The following SLC26A4 variants were observed in gnomAD, a reference collection of about 807,000 sequenced individuals.
SLC26A4 encodes the protein pendrin.
A neutral mutation model predicts 90.4 loss-of-function variants in SLC26A4; 93 were observed. The observed-to-expected ratio is 1.03, with a 90% CI of 0.87 to 1.22. The LOEUF (loss-of-function observed/expected upper bound fraction) is 1.22, where lower values mean the gene tolerates loss of function less well. Among genes scored for constraint, SLC26A4 ranks in the 50% most tolerant of loss-of-function variants. The probability of loss-of-function intolerance (pLI) is 0.00; values close to 1 mark genes in which losing one functional copy is unlikely to be tolerated. For missense variants in SLC26A4, 1,127 were observed against 946.2 expected (o/e 1.19, Z -2.51); for synonymous variants, 393 against 354.6 (o/e 1.11, Z -1.22).
chr7:107,685,677 C>T (rs977162671), intron 8 of SLC26A4, among the ~76,000 whole-genome samples: 2 of 152,200 alleles, frequency 1.3e-5, no homozygotes, highest in African/African-American at 2.4e-5. Context: ...AACACCTAAG[C>T]GCCCCACTAG....
intron 2 of SLC26A4, chr7:107,662,007 G>A (rs975843176): frequency 6.5e-6 from 4 of 616,272 alleles, no homozygotes; most frequent in Non-Finnish European, 1.1e-5. Context: ...TCAGTCTCGG[G>A]CCCGAAATGA....
At chr7:107,668,883 T>A (rs1790787953) in intron 3 of SLC26A4, among the ~76,000 whole-genome samples, 1 of 152,232 alleles carries the variant, frequency 6.6e-6, no homozygotes, top group South Asian at 2.1e-4. Context: ...AGCACCTGCT[T>A]TGCCAGTATT....
chr7:107,675,915 A>G (rs1791013588), intron 6 of SLC26A4, among the ~76,000 whole-genome samples: 1 of 152,254 alleles, frequency 6.6e-6, no homozygotes, highest in East Asian at 1.9e-4. Flanking sequence ...GGAGCCATTG[A>G]AAACATTTGG....
In SLC26A4 at chr7:107,661,932, TC is replaced by T; in HGVS notation, c.164+130del. Reference sequence around the variant, plus strand: ...GGAGCCCCTGGGCGCCAGCTGCTTCTCCCAGAGGCCCGACTTTCGGTCTCCG... The same window carrying T: ...GGAGCCCCTGGGCGCCAGCTGCTTCTCCAGAGGCCCGACTTTCGGTCTCCG... On this transcript the variant is annotated intron_variant, in intron 2 of 20. Coordinates refer to ENST00000644269, the MANE Select transcript of SLC26A4 (RefSeq NM_000441.2). The surrounding 1 kb of genome is among the most constrained non-coding windows in gnomAD (Gnocchi z 5.1). 1 of 1,078,754 alleles carries T rather than the reference TC, an allele frequency of 9.3e-7. No individual in the cohort carries two copies. The highest frequency in any genetic ancestry group is 1.3e-6 in the Non-Finnish European group (1 of 771,390). 66.8% of individuals were successfully genotyped at this position (1,078,754 alleles called of 1,614,324 possible). A position where few individuals can be genotyped will look rare whatever the true frequency, so the allele number is the denominator to read the frequency against.
intron 6 of SLC26A4, among the ~76,000 whole-genome samples, chr7:107,677,184 C>A (rs1791046093): frequency 6.6e-6 from 1 of 151,962 alleles, no homozygotes; most frequent in South Asian, 2.1e-4. Context: ...TCTCAAACAA[C>A]AATAACAGCA....
At chr7:107,691,759 A>G (rs563812847) in intron 10 of SLC26A4, 4 of 1,029,142 alleles carry the variant, frequency 3.9e-6, no homozygotes, top group South Asian at 5.8e-5. Context: ...TTATTTTCAG[A>G]ATTTTTCTTA....
chr7:107,686,389 C>CTCTCTTTTTT (rs1791410379), intron 8 of SLC26A4, among the ~76,000 whole-genome samples: 2 of 141,186 alleles, frequency 1.4e-5, no homozygotes. Context: ...TTCCTTCCTT[C>CTCTCTTTTTT]CTTCCTCTCT....
intron 6 of SLC26A4, among the ~76,000 whole-genome samples, chr7:107,675,883 A>T (rs910315659): frequency 6.6e-6 from 1 of 152,144 alleles, no homozygotes; most frequent in African/African-American, 2.4e-5. Context: ...GGGAGCACCC[A>T]CATTTCTCTA....
chr7:107,682,361 T>G (rs946239391), intron 6 of SLC26A4, among the ~76,000 whole-genome samples: 1 of 151,848 alleles, frequency 6.6e-6, no homozygotes, highest in Non-Finnish European at 1.5e-5. Context: ...AACTACAGAT[T>G]CAATTCAGCT....
intron 11 of SLC26A4, 58 bp downstream of exon 11, chr7:107,694,538 C>G (rs1791682727): frequency 6.6e-7 from 1 of 1,521,804 alleles, no homozygotes; most frequent in South Asian, 1.1e-5. Context: ...ACTCTGCTAC[C>G]AGATAAATAA....
chr7:107,666,972 C>G (rs768238541), intron 3 of SLC26A4, among the ~76,000 whole-genome samples: 1 of 152,124 alleles, frequency 6.6e-6, no homozygotes, highest in Non-Finnish European at 1.5e-5. Flanking sequence ...TATTGTGCAG[C>G]AAGAATCACT....
At chr7:107,678,898 C>T (rs996733102) in intron 6 of SLC26A4, among the ~76,000 whole-genome samples, 1 of 152,144 alleles carries the variant, frequency 6.6e-6, no homozygotes, top group African/African-American at 2.4e-5. Flanking sequence ...CCAGAAAAGA[C>T]TGTAAGATTG....
At chr7:107,709,664 C>T (rs1400877141) in intron 18 of SLC26A4, among the ~76,000 whole-genome samples, 1 of 152,002 alleles carries the variant, frequency 6.6e-6, no homozygotes, top group East Asian at 1.9e-4. Context: ...CTGGCTTGGC[C>T]AAAGGGACGT....
At chr7:107,701,277 A>G (rs1562839196) in intron 16 of SLC26A4, 81 bp downstream of exon 16, 2 of 863,926 alleles carry the variant, frequency 2.3e-6, no homozygotes, top group South Asian at 2.7e-5. Flanking sequence ...AATTAAATCT[A>G]TCCTCTTTAG....
intron 6 of SLC26A4, among the ~76,000 whole-genome samples, chr7:107,676,544 A>G (rs1791028747): frequency 6.6e-6 from 1 of 152,274 alleles, no homozygotes. Flanking sequence ...TGTGTTCTAC[A>G]TAAAGCATGT....
intron 8 of SLC26A4, among the ~76,000 whole-genome samples, chr7:107,687,253 T>C (rs1031953949): frequency 3.3e-5 from 5 of 152,012 alleles, no homozygotes; most frequent in Admixed American, 2.6e-4. Flanking sequence ...AGCAAAAAAT[T>C]TGGAGAGTTA....
intron 10 of SLC26A4, chr7:107,693,541 CTTT>C (rs1327997552): frequency 1.1e-4 from 112 of 984,986 alleles, no homozygotes; most frequent in Non-Finnish European, 1.3e-4. Context: ...TCCTTTTCTT[CTTT>C]GTTTCAGAGC....
chr7:107,682,677 CAT>C (rs1296845755), intron 6 of SLC26A4, among the ~76,000 whole-genome samples: 1 of 151,912 alleles, frequency 6.6e-6, no homozygotes, highest in African/African-American at 2.4e-5. Flanking sequence ...CACACACACA[CAT>C]ACACACATAT....
rs1438508849 is a variant in SLC26A4 at position 107,698,096 on chromosome 7, C to T, written c.1599C>T (p.Thr533=). 1 of 1,605,984 alleles carries T rather than the reference C, an allele frequency of 6.2e-7. No individual in the cohort carries two copies. The highest frequency in any genetic ancestry group is 1.1e-5 in the South Asian group (1 of 90,934). ...CTAGCACAGATATCTACAAAAGTAC[C>T]AAGAATTACAAAAACGTAAGTACCT... The part of the protein sequence containing the change: ...SIPSTDIYKS[T]KNYKNIEEPQ... The change falls in exon 14 of 21, where the codon ACC becomes ACT. Residue 533 remains threonine, a synonymous_variant. Coordinates refer to ENST00000644269, the MANE Select transcript of SLC26A4 (RefSeq NM_000441.2).
Sources: allele counts gnomAD v4.1 joint callset (sites outside exome capture counted in the v4.1 genomes callset), GRCh38; gene constraint gnomAD v4.1.1; non-coding constraint Gnocchi (gnomAD v3.1); transcripts MANE v1.5; gene names NCBI Gene and HGNC (gene_info 2026-07-23, HGNC 2026-07-21).